The following ADGB variants were observed in gnomAD, a reference collection of about 807,000 sequenced individuals.
The protein encoded by ADGB is androglobin, also known as calpain-7-like protein.
ADGB carries 172 observed loss-of-function variants against 210.5 expected under a neutral mutation model. The ratio of observed to expected loss-of-function variants is 0.82; its 90% confidence interval spans 0.72 to 0.93. The LOEUF is 0.93. ADGB is among the 40% of genes least tolerant of loss of function. ADGB has a pLI of 0.00. For synonymous variants in ADGB, 658 were observed against 662.7 expected, an observed-to-expected ratio of 0.99 and a Z score of 0.11; for missense variants, 2,025 against 1,964.8, an observed-to-expected ratio of 1.03 and a Z score of -0.58.
At chr6:146,685,652 G>A (rs1776221661) in intron 9 of ADGB, 82 bp from the exon 10 acceptor site, 1 of 635,008 alleles carries the variant, frequency 1.6e-6, no homozygotes, top group Admixed American at 4.1e-5. Flanking sequence ...ATTCATTAAG[G>A]CAATTGAACA....
At chr6:146,653,158 C>T (rs1457955381) in intron 3 of ADGB, among the ~76,000 whole-genome samples, 1 of 151,930 alleles carries the variant, frequency 6.6e-6, no homozygotes, top group Non-Finnish European at 1.5e-5. Flanking sequence ...AATCTAATGC[C>T]TGATGATCTG....
At chr6:146,765,745 A>C (rs912793544) in intron 28 of ADGB, among the ~76,000 whole-genome samples, 4 of 151,826 alleles carry the variant, frequency 2.6e-5, no homozygotes, top group Non-Finnish European at 4.4e-5. Flanking sequence ...AGTAGTAAAA[A>C]TACAATGCAG....
intron 33 of ADGB, among the ~76,000 whole-genome samples, chr6:146,795,096 C>T (rs370740024): frequency 1.3e-5 from 2 of 152,136 alleles, no homozygotes; most frequent in Non-Finnish European, 2.9e-5. Flanking sequence ...TTACAAACAT[C>T]ATTAGCTGAA....
intron 1 of ADGB, among the ~76,000 whole-genome samples, chr6:146,634,490 G>A (rs1775369788): frequency 6.6e-6 from 1 of 151,854 alleles, no homozygotes; most frequent in Non-Finnish European, 1.5e-5. Context: ...AGCCTCACAA[G>A]GCGTTAAAAA....
chr6:146,803,792 A>T (rs1778168819), intron 35 of ADGB: 1 of 549,738 alleles, frequency 1.8e-6, no homozygotes. Context: ...GGCAGCCTAG[A>T]GCGTCCCTCG....
intron 33 of ADGB, among the ~76,000 whole-genome samples, chr6:146,798,404 G>A (rs1019972322): frequency 6.6e-6 from 1 of 151,860 alleles, no homozygotes; most frequent in African/African-American, 2.4e-5. Context: ...ACAACAAACT[G>A]GTAATACAAG....
At chr6:146,673,551 C>T (rs1776044915) in intron 8 of ADGB, among the ~76,000 whole-genome samples, 1 of 152,006 alleles carries the variant, frequency 6.6e-6, no homozygotes, top group Admixed American at 6.6e-5. Flanking sequence ...ATTATTATTC[C>T]ACATTTTGCT....
chr6:146,661,347 G>A (rs1028110300), intron 5 of ADGB, among the ~76,000 whole-genome samples: 1 of 149,656 alleles, frequency 6.7e-6, no homozygotes, highest in African/African-American at 2.5e-5. Context: ...AGCCTCCCAA[G>A]TAGCTAGCAC....
At chr6:146,802,623 T>A in intron 35 of ADGB, 1 of 622,200 alleles carries the variant, frequency 1.6e-6, no homozygotes, top group Non-Finnish European at 2.7e-6. Flanking sequence ...TCCACTTCAA[T>A]GTGAAGCAGA....
chr6:146,639,690 T>C (rs1270809550), intron 2 of ADGB: 1 of 151,972 alleles, frequency 6.6e-6, no homozygotes, highest in Non-Finnish European at 1.5e-5. Context: ...GGATGCAAAA[T>C]CAGTATACAG....
intron 2 of ADGB, chr6:146,639,348 C>T (rs1396301640): frequency 6.6e-6 from 1 of 151,878 alleles, no homozygotes. Context: ...AAAAACTCTC[C>T]ACAAACTAGG....
At chr6:146,688,213 T>C (rs577194570) in intron 10 of ADGB, among the ~76,000 whole-genome samples, 1 of 151,964 alleles carries the variant, frequency 6.6e-6, no homozygotes, top group Admixed American at 6.6e-5. Context: ...GCATACAAGG[T>C]GCCTGCCACG....
intron 5 of ADGB, among the ~76,000 whole-genome samples, chr6:146,658,742 T>C (rs1280560513): frequency 6.6e-6 from 1 of 152,206 alleles, no homozygotes; most frequent in African/African-American, 2.4e-5. Context: ...TAAAAATGTA[T>C]TGAGCCCACT....
At chr6:146,792,861 T>C (rs1777973309) in intron 33 of ADGB, among the ~76,000 whole-genome samples, 2 of 152,142 alleles carry the variant, frequency 1.3e-5, no homozygotes, top group Non-Finnish European at 2.9e-5. Context: ...TGCACCCCGT[T>C]GTGTCTGGAG....
At chr6:146,691,793 T>A (rs1313243129) in intron 11 of ADGB, among the ~76,000 whole-genome samples, 1 of 151,812 alleles carries the variant, frequency 6.6e-6, no homozygotes, top group Non-Finnish European at 1.5e-5. Context: ...ATTAGTGTGA[T>A]AGAAAAGTAG....
rs200870606 is a variant in ADGB, at chr6:146,801,943, C to G, written c.4750C>G (p.Arg1584Gly). 3.0e-4 allele frequency: 471 copies of G among 1,550,096 alleles called. No homozygotes were observed. Among genetic ancestry groups the G allele is most frequent in the Non-Finnish European group, 3.9e-4 (446 of 1,146,440 alleles). Residue 1584 changes from arginine (R) to glycine (G), a missense_variant, in exon 35 of 36, where the codon CGA becomes GGA. Arg to Gly is a moderately radical substitution (Grantham distance 125). Transcript: ENST00000397944. ...GCATAGGACCAGAGTCCTTAGCATTCGAAACATTGACCAAGAAGAGCGGTT... is the reference window on the plus strand; with the variant it reads ...GCATAGGACCAGAGTCCTTAGCATTGGAAACATTGACCAAGAAGAGCGGTT... ...RQHRTRVLSI[R>G]NIDQEERLKL...
chr6:146,689,887 T>C (rs1240362519), intron 10 of ADGB, among the ~76,000 whole-genome samples: 2 of 152,164 alleles, frequency 1.3e-5, no homozygotes, highest in African/African-American at 4.8e-5. Flanking sequence ...TAAGGCACTC[T>C]AAGACATAAT....
chr6:146,712,489 G>A (rs1295328284), intron 13 of ADGB, among the ~76,000 whole-genome samples: 4 of 151,830 alleles, frequency 2.6e-5, no homozygotes, highest in Non-Finnish European at 4.4e-5. Flanking sequence ...GCCAGGCCCT[G>A]GGTTGTTTTT....
At chr6:146,681,627 C>A (rs917318567) in intron 9 of ADGB, among the ~76,000 whole-genome samples, 1 of 151,950 alleles carries the variant, frequency 6.6e-6, no homozygotes, top group East Asian at 1.9e-4. Flanking sequence ...GAATTACACT[C>A]AAGAAAGAAT....
Sources: allele counts gnomAD v4.1 joint callset (sites outside exome capture counted in the v4.1 genomes callset), GRCh38; gene constraint gnomAD v4.1.1; transcripts MANE v1.5; gene names NCBI Gene and HGNC (gene_info 2026-07-23, HGNC 2026-07-21).